FLI1: variants seen among roughly 807,000 people sequenced by gnomAD.
The protein encoded by FLI1 is Friend leukemia integration 1 transcription factor.
A neutral mutation model predicts 53.1 loss-of-function variants in FLI1; 13 were observed. That is an observed-to-expected ratio of 0.24 (90% CI 0.16 to 0.39). FLI1 has a LOEUF of 0.39. Ranked by LOEUF, FLI1 falls within the 10% of genes least tolerant of loss-of-function variation. FLI1 has a pLI of 1.00. For missense variants in FLI1, 424 were observed against 600.5 expected (o/e 0.71, Z 3.07); for synonymous variants, 244 against 236.7 (o/e 1.03, Z -0.28).
intron 1 of FLI1, among the ~76,000 whole-genome samples, chr11:128,710,831 G>T (rs1353297762): frequency 5.9e-5 from 9 of 152,210 alleles, no homozygotes; most frequent in Non-Finnish European, 1.2e-4. Context: ...GCTACACAAG[G>T]TTCCAAAATC....
At chr11:128,809,077 C>T (rs1942864448) in intron 7 of FLI1, 80 bp from the exon 8 acceptor site, 8 of 1,139,404 alleles carry the variant, frequency 7.0e-6, no homozygotes, top group South Asian at 1.3e-5. Context: ...AAGTATAAAC[C>T]CTTATGGTTT....
At chr11:128,710,214 CA>C (rs1938732122) in intron 1 of FLI1, among the ~76,000 whole-genome samples, 3 of 152,226 alleles carry the variant, frequency 2.0e-5, no homozygotes, top group African/African-American at 7.2e-5. Context: ...AACATTTGCC[CA>C]TATTCTACCC....
intron 3 of FLI1, among the ~76,000 whole-genome samples, chr11:128,768,738 C>CTGCCCTT (rs146576982): frequency 0.056 from 8,448 of 150,508 alleles, 257 homozygotes; most frequent in African/African-American, 0.063. Flanking sequence ...GACTTCCTAG[C>CTGCCCTT]TGCCCTTTAA....
chr11:128,792,991 T>A (rs1942321974), intron 5 of FLI1, among the ~76,000 whole-genome samples: 1 of 151,654 alleles, frequency 6.6e-6, no homozygotes, highest in African/African-American at 2.4e-5. Context: ...AGTGGTGTGT[T>A]CCTATAGTCC....
chr11:128,768,041 G>A (rs1941410290), intron 2 of FLI1, 77 bp from the exon 3 acceptor site: 2 of 1,351,860 alleles, frequency 1.5e-6, no homozygotes, highest in African/African-American at 1.5e-5. Context: ...CGGAGCCCTG[G>A]GCTCATGATT....
At chr11:128,705,011 T>C (rs1257923590) in intron 1 of FLI1, among the ~76,000 whole-genome samples, 1 of 152,238 alleles carries the variant, frequency 6.6e-6, no homozygotes, top group Non-Finnish European at 1.5e-5. Flanking sequence ...CTCATGGTCA[T>C]ACAGGTAGAA....
chr11:128,729,331 C>T (rs1939605154), intron 1 of FLI1, among the ~76,000 whole-genome samples: 1 of 152,234 alleles, frequency 6.6e-6, no homozygotes, highest in African/African-American at 2.4e-5. Context: ...GGCAACCCTT[C>T]TCTCAGGGCT....
intron 2 of FLI1, among the ~76,000 whole-genome samples, chr11:128,760,645 A>T (rs184228529): frequency 6.7e-6 from 1 of 148,982 alleles, no homozygotes; most frequent in East Asian, 2.0e-4. Context: ...CTCTTGCCTC[A>T]GCCTCCTGAG....
intron 1 of FLI1, among the ~76,000 whole-genome samples, chr11:128,710,747 T>TA (rs1244674171): frequency 1.3e-5 from 2 of 152,206 alleles, no homozygotes; most frequent in Non-Finnish European, 2.9e-5. Flanking sequence ...CTTAACTACA[T>TA]AAAAAAATAT....
intron 1 of FLI1, among the ~76,000 whole-genome samples, chr11:128,724,877 C>T (rs1939407849): frequency 2.0e-5 from 3 of 152,166 alleles, no homozygotes; most frequent in African/African-American, 7.2e-5. Flanking sequence ...CACTACGATT[C>T]TCTCTCCTCC....
At position 128,772,873 on chromosome 11, in the gene FLI1, C is replaced by G. The variant is rs201473472; in HGVS notation, c.477C>G (p.Phe159Leu). The G allele has an allele frequency of 5.5e-5, 89 of 1,613,854 alleles. No homozygotes were observed. Among genetic ancestry groups the G allele is most frequent in the Non-Finnish European group, 7.4e-5 (87 of 1,179,864 alleles). Residue 159 changes from phenylalanine to leucine, a missense_variant, in exon 4 of 9, where the codon TTC (phenylalanine) becomes TTG (leucine). Around this residue, in one of 5 missense-constraint regions of FLI1, gnomAD observed 114 missense variants for 117.9 expected, o/e 0.97. Coordinates refer to ENST00000527786, the MANE Select transcript of FLI1 (RefSeq NM_002017.5). ...TGATGGAGATCGACACATCCTTTTT[C>G]CAGAACATGGATGGCAAGGAACTGT... ...YSLMEIDTSF[F>L]QNMDGKELCK... is the part of the protein sequence containing the mutation.
chr11:128,798,570 G>T (rs1942513794), intron 5 of FLI1, among the ~76,000 whole-genome samples: 1 of 152,148 alleles, frequency 6.6e-6, no homozygotes, highest in Non-Finnish European at 1.5e-5. Flanking sequence ...CACACAGCAG[G>T]GTCAGCTCCG....
intron 5 of FLI1, among the ~76,000 whole-genome samples, chr11:128,787,852 G>C (rs1942140904): frequency 6.7e-6 from 1 of 148,478 alleles, no homozygotes; most frequent in East Asian, 2.0e-4. Context: ...TGTCGCTCAG[G>C]CTGGAGTGCG....
At chr11:128,719,292 A>C (rs1939151935) in intron 1 of FLI1, among the ~76,000 whole-genome samples, 2 of 150,268 alleles carry the variant, frequency 1.3e-5, no homozygotes, top group Admixed American at 1.3e-4. Flanking sequence ...AAAAAAAAAA[A>C]CAGTTCGTAA....
chr11:128,761,779 G>A (rs1257087009), intron 2 of FLI1, among the ~76,000 whole-genome samples: 1 of 152,144 alleles, frequency 6.6e-6, no homozygotes, highest in Non-Finnish European at 1.5e-5. Context: ...CACACCAAAA[G>A]CCAGCTGGAG....
chr11:128,701,024 A>C (rs11221441), intron 1 of FLI1, among the ~76,000 whole-genome samples: 353 of 152,370 alleles, frequency 2.3e-3, no homozygotes, highest in Non-Finnish European at 3.6e-3. Context: ...AAGTGGCTCC[A>C]TCACTTATCA....
chr11:128,784,857 C>CTGTGTGTG (rs34412702), intron 5 of FLI1, among the ~76,000 whole-genome samples: 5 of 150,698 alleles, frequency 3.3e-5, no homozygotes, highest in African/African-American at 1.2e-4. Flanking sequence ...AGCACCAGAG[C>CTGTGTGTG]TGTGTGTGTG....
intron 1 of FLI1, among the ~76,000 whole-genome samples, chr11:128,698,017 A>G (rs915079296): frequency 4.8e-5 from 5 of 103,654 alleles, no homozygotes; most frequent in Non-Finnish European, 1.0e-4. Context: ...GGGCAGAGGC[A>G]CTCTCTCGTC....
intron 5 of FLI1, among the ~76,000 whole-genome samples, chr11:128,786,661 C>A (rs538748522): frequency 1.7e-4 from 26 of 152,292 alleles, no homozygotes; most frequent in African/African-American, 6.0e-4. Flanking sequence ...CAGGTCAGAG[C>A]TTCCCTTTGT....
Sources: gnomAD v4.1 joint callset for allele counts (sites outside exome capture counted in the v4.1 genomes callset) on GRCh38, gnomAD v4.1.1 for gene constraint, gnomAD v4.1.1 regional missense constraint, MANE v1.5 for transcripts, NCBI Gene and HGNC (gene_info 2026-07-23, HGNC 2026-07-21) for gene names.